UQCC1: variants seen among roughly 807,000 people sequenced by gnomAD.
UQCC1 encodes the protein ubiquinol-cytochrome c reductase complex assembly factor 1.
In UQCC1, 38 loss-of-function variants were observed where a neutral mutation model predicts 48.0. The observed-to-expected ratio is 0.79, with a 90% CI of 0.61 to 1.04. The LOEUF (loss-of-function observed/expected upper bound fraction) is 1.04, where lower values mean the gene tolerates loss of function less well. UQCC1 is among the 50% of genes least tolerant of loss of function. The pLI is 0.00. For synonymous variants in UQCC1, 111 were observed against 129.2 expected (o/e 0.86, Z 0.95); for missense variants, 368 against 381.8 (o/e 0.96, Z 0.30).
chr20:35,392,444 T>G (rs1392488044), intron 2 of UQCC1, among the ~76,000 whole-genome samples: 3 of 152,202 alleles, frequency 2.0e-5, no homozygotes, highest in Non-Finnish European at 4.4e-5. Flanking sequence ...CAGTACCCGG[T>G]ACTTATTAGG....
chr20:35,324,797 C>T lies in UQCC1; in HGVS notation c.574-10032G>A, dbSNP rs193296908. On this transcript the variant is annotated intron_variant, in intron 7 of 9. Transcript: ENST00000374385. ...TTTGGCGGTTTCTCAAAAGGCTGAA[C>T]ATAGAACTACCATATAGCCCAGCAA... is the stretch of plus-strand genomic sequence containing the variant. Among the ~76,000 whole-genome samples, 448 of 152,320 alleles carry T rather than the reference C, an allele frequency of 2.9e-3. 1 individual carries two copies. Among genetic ancestry groups the T allele is most frequent in the Non-Finnish European group, 4.2e-3 (289 of 68,026 alleles).
At chr20:35,312,158 C>G (rs1261796890) in intron 8 of UQCC1, among the ~76,000 whole-genome samples, 2 of 152,132 alleles carry the variant, frequency 1.3e-5, no homozygotes, top group African/African-American at 4.8e-5. Flanking sequence ...AAGCCTCATC[C>G]TTTTCTATAT....
chr20:35,402,342 G>A (rs1316219824), intron 1 of UQCC1, among the ~76,000 whole-genome samples: 2 of 152,112 alleles, frequency 1.3e-5, no homozygotes, highest in Non-Finnish European at 2.9e-5. Flanking sequence ...ACTCTGGGAG[G>A]CCGAGGCAGG....
chr20:35,376,584 T>C (rs2061802939), intron 4 of UQCC1, among the ~76,000 whole-genome samples: 2 of 151,464 alleles, frequency 1.3e-5, no homozygotes, highest in Admixed American at 6.6e-5. Flanking sequence ...ATTAAAGAAA[T>C]TGGATTTGTC....
At chr20:35,360,731 G>T (rs1166486450) in intron 6 of UQCC1, among the ~76,000 whole-genome samples, 1 of 152,072 alleles carries the variant, frequency 6.6e-6, no homozygotes, top group Non-Finnish European at 1.5e-5. Context: ...ACATCACCCT[G>T]TGCTAGTTTC....
intron 7 of UQCC1, among the ~76,000 whole-genome samples, chr20:35,322,059 C>T (rs1461305400): frequency 2.6e-5 from 4 of 152,196 alleles, no homozygotes; most frequent in South Asian, 4.1e-4. Flanking sequence ...ATTTAACTTT[C>T]GTCTCTTTTA....
At chr20:35,344,045 C>A (rs1291390944) in intron 7 of UQCC1, 1 of 152,180 alleles carries the variant, frequency 6.6e-6, no homozygotes, top group Non-Finnish European at 1.5e-5. Flanking sequence ...ACACTTGGAT[C>A]AGAGACTAAT....
Position 35,375,317 on chromosome 20 carries a change from CA to C in UQCC1, c.334-1062del, listed in dbSNP as rs558321324. Among the ~76,000 whole-genome samples the C allele has an allele frequency of 9.1e-4, 138 of 152,134 alleles. 2 individuals carry two copies. The South Asian group carries it at 0.028, about 31-fold the overall frequency. ...TTTTCTAAATTCTCTAGAGTTAAAG[CA>C]AGTGTCTCTGATGGGTAGAAATACC... On this transcript the variant is annotated intron_variant, in intron 4 of 9. Coordinates refer to ENST00000374385, the MANE Select transcript of UQCC1 (RefSeq NM_018244.5).
intron 4 of UQCC1, 41 bp from the exon 5 acceptor site, chr20:35,374,297 G>A (rs2061770532): frequency 6.7e-7 from 1 of 1,497,160 alleles, no homozygotes; most frequent in Middle Eastern, 1.7e-4. Context: ...ACATGACCAA[G>A]TGGATGTTCT....
In UQCC1 at chr20:35,351,330, G is replaced by T. The variant is rs960104719; in HGVS notation, c.465-4058C>A. Among the ~76,000 whole-genome samples the T allele has an allele frequency of 2.7e-5, 4 of 148,384 alleles. No individual in the cohort carries two copies. In the Admixed American group the frequency reaches 2.7e-4, roughly 10 times the overall value. Reference sequence around the variant, plus strand: ...CTCTTGAACCCGGGAGGCAGAGATTGCAGTAAGTCAAAGATCACGCCACTG... The same window carrying T: ...CTCTTGAACCCGGGAGGCAGAGATTTCAGTAAGTCAAAGATCACGCCACTG... On this transcript the variant is annotated intron_variant, in intron 6 of 9. Transcript: ENST00000374385.
At chr20:35,369,178 T>C (rs2061702092) in intron 5 of UQCC1, among the ~76,000 whole-genome samples, 1 of 152,218 alleles carries the variant, frequency 6.6e-6, no homozygotes, top group Non-Finnish European at 1.5e-5. Flanking sequence ...GGCCAGCAGC[T>C]GGACTTGGGT....
chr20:35,310,180 C>T (rs1320608630), intron 8 of UQCC1, among the ~76,000 whole-genome samples: 1 of 152,180 alleles, frequency 6.6e-6, no homozygotes. Flanking sequence ...AAGAGCCAGA[C>T]CGTGTTTGTT....
At chr20:35,313,391 A>AG (rs2061016816) in intron 8 of UQCC1, among the ~76,000 whole-genome samples, 1 of 150,972 alleles carries the variant, frequency 6.6e-6, no homozygotes, top group Admixed American at 6.6e-5. Flanking sequence ...AAAAAAAAAA[A>AG]AAAAAAAAGA....
intron 7 of UQCC1, among the ~76,000 whole-genome samples, chr20:35,338,506 T>C (rs1358517160): frequency 6.6e-6 from 1 of 152,110 alleles, no homozygotes; most frequent in Non-Finnish European, 1.5e-5. Flanking sequence ...ATCCATTTCC[T>C]CACCACAGAA....
In UQCC1 at chr20:35,318,740, G is replaced by A. The variant is rs1356118505; in HGVS notation, c.574-3975C>T. Among the ~76,000 whole-genome samples, 5 of 152,332 alleles carry A rather than the reference G, an allele frequency of 3.3e-5. No homozygotes were observed. The East Asian group carries it at 9.6e-4, about 29-fold the overall frequency. On this transcript the variant is annotated intron_variant, in intron 7 of 9. Transcript: ENST00000374385. ...ATCAGTACAGACACGTGATCTGCAG[G>A]CAACAGGTGAGGGCAAGTGACAGCA...
intron 1 of UQCC1, among the ~76,000 whole-genome samples, chr20:35,410,361 A>G (rs560171846): frequency 1.1e-4 from 16 of 151,380 alleles, no homozygotes; most frequent in African/African-American, 3.6e-4. Context: ...GTGAAACTCC[A>G]TCTCTACTAA....
chr20:35,324,568 T>C (rs2425059), intron 7 of UQCC1, among the ~76,000 whole-genome samples: 68,007 of 152,006 alleles, frequency 0.45, 15,800 homozygotes, highest in African/African-American at 0.57. Context: ...CCTTGTGATC[T>C]GCCCGCCTTG....
rs1555805505 is a variant in UQCC1 at position 35,338,892 on chromosome 20, AAT to A, written c.573+8270_573+8271del. On this transcript the variant is annotated intron_variant, in intron 7 of 9. Coordinates refer to ENST00000374385, the MANE Select transcript of UQCC1 (RefSeq NM_018244.5). ...AAAAAAAAAAAAAAAAAAAAAAAAA[AAT>A]ATATATATATATATGGAGAGATTTT... is the stretch of plus-strand genomic sequence containing the variant. 1.4e-3 allele frequency among the ~76,000 whole-genome samples: 44 copies of A among 30,576 alleles called. 5 individuals carry two copies. Among genetic ancestry groups the A allele is most frequent in the African/African-American group, 9.9e-3 (27 of 2,728 alleles). 20.1% of individuals were successfully genotyped at this position (30,576 alleles called of 152,430 possible).
intron 6 of UQCC1, among the ~76,000 whole-genome samples, chr20:35,360,869 C>A (rs1307064112): frequency 6.6e-6 from 1 of 152,074 alleles, no homozygotes; most frequent in African/African-American, 2.4e-5. Flanking sequence ...GGGGAAGAGA[C>A]CCCTATCCCC....
Sources: gnomAD v4.1 joint callset for allele counts (sites outside exome capture counted in the v4.1 genomes callset) on GRCh38, gnomAD v4.1.1 for gene constraint, MANE v1.5 for transcripts, NCBI Gene and HGNC (gene_info 2026-07-23, HGNC 2026-07-21) for gene names.